Variants in B3GALT1 observed in about 807,000 individuals in gnomAD.
B3GALT1 encodes beta-1,3-galactosyltransferase 1, also known as UDP-Gal:betaGlcNAc beta 1,3-galactosyltransferase, polypeptide 1.
B3GALT1 carries 10 observed loss-of-function variants against 23.2 expected under a neutral mutation model. That is an observed-to-expected ratio of 0.43 (90% CI 0.27 to 0.73). The LOEUF is 0.73. B3GALT1 is among the 30% of genes least tolerant of loss of function. The pLI is 0.21. For synonymous variants in B3GALT1, 156 were observed against 141.5 expected (o/e 1.10, Z -0.73); for missense variants, 299 against 405.4 (o/e 0.74, Z 2.25).
chr2:167,668,516 AG>A, intron 3 of B3GALT1, among the ~76,000 whole-genome samples: 1 of 152,288 alleles, frequency 6.6e-6, no homozygotes, highest in Middle Eastern at 3.4e-3. Context: ...TACCTAAGCA[AG>A]CCTGGGCAAT....
intron 2 of B3GALT1, among the ~76,000 whole-genome samples, chr2:167,609,308 C>T (rs1366228839): frequency 2.0e-5 from 3 of 151,994 alleles, no homozygotes; most frequent in African/African-American, 7.2e-5. Context: ...CAGTCTTTAC[C>T]CATGTGACCA....
chr2:167,440,335 A>G (rs1265620017), intron 1 of B3GALT1, among the ~76,000 whole-genome samples: 5 of 139,410 alleles, frequency 3.6e-5, no homozygotes, highest in African/African-American at 1.4e-4. Context: ...ACAGAGCGAG[A>G]CTCTGTCTGA....
At chr2:167,431,241 T>C (rs781253344) in intron 1 of B3GALT1, among the ~76,000 whole-genome samples, 1 of 152,082 alleles carries the variant, frequency 6.6e-6, no homozygotes, top group Non-Finnish European at 1.5e-5. Flanking sequence ...AATACTTAGG[T>C]AAATGGGAAA....
rs555204066 is a variant in B3GALT1, at chr2:167,871,111, G to C, written c.*1091G>C. 1 of 152,300 alleles carries C rather than the reference G, an allele frequency of 6.6e-6. No homozygotes were observed. The highest frequency in any genetic ancestry group is 2.4e-5 in the African/African-American group (1 of 41,546). The allele number at this position is 152,300 out of a possible 1,614,324, so 9.4% of individuals were successfully genotyped here. On this transcript the variant is annotated 3_prime_UTR_variant, in exon 5 of 5. Transcript: ENST00000392690. ...CAGCAATGCTGTTATGAGGTATTCT[G>C]GGGGCTCTGTGATTGAGGAAGGATG...
intron 1 of B3GALT1, among the ~76,000 whole-genome samples, chr2:167,409,872 T>A (rs915112860): frequency 1.3e-4 from 20 of 152,116 alleles, no homozygotes; most frequent in Admixed American, 1.0e-3. Context: ...AGTGTGGCGA[T>A]TTCTCAAGGA....
chr2:167,772,293 C>G (rs115180206), intron 3 of B3GALT1, among the ~76,000 whole-genome samples: 1 of 152,066 alleles, frequency 6.6e-6, no homozygotes, highest in Admixed American at 6.5e-5. Flanking sequence ...AGTAATAATG[C>G]TATTTATTAA....
chr2:167,866,531 C>G (rs2105439799), intron 4 of B3GALT1, among the ~76,000 whole-genome samples: 1 of 152,210 alleles, frequency 6.6e-6, no homozygotes, highest in African/African-American at 2.4e-5. Context: ...TGAATAAATT[C>G]AAGAGTTGAA....
chr2:167,569,544 A>G (rs535363014), intron 2 of B3GALT1, among the ~76,000 whole-genome samples: 72 of 151,884 alleles, frequency 4.7e-4, no homozygotes, highest in Non-Finnish European at 9.0e-4. Flanking sequence ...ACAATTGCTT[A>G]TCAGTTCTGG....
chr2:167,356,524 A>G (rs1338155001), intron 1 of B3GALT1, among the ~76,000 whole-genome samples: 1 of 152,152 alleles, frequency 6.6e-6, no homozygotes, highest in African/African-American at 2.4e-5. Context: ...AACACTGTGA[A>G]TAGATTGTGG....
In B3GALT1 at chr2:167,433,907, G is replaced by A. The variant is rs181968197; in HGVS notation, c.-510-56270G>A. On this transcript the variant is annotated intron_variant, in intron 1 of 4. Coordinates refer to ENST00000392690, the MANE Select transcript of B3GALT1 (RefSeq NM_020981.4). The stretch of plus-strand genomic sequence containing the variant: ...CATGCCACTGCCCTCCAACCTGGGT[G>A]ACAGAGCAAGATTCTATCATAAATA... Among the ~76,000 whole-genome samples the A allele has an allele frequency of 2.0e-3, 309 of 151,884 alleles. 1 individual carries two copies. Among genetic ancestry groups the A allele is most frequent in the Middle Eastern group, 0.01 (3 of 294 alleles).
chr2:167,798,372 T>A (rs901884955), intron 3 of B3GALT1, among the ~76,000 whole-genome samples: 5 of 152,234 alleles, frequency 3.3e-5, no homozygotes, highest in Admixed American at 2.6e-4. Flanking sequence ...GCCTGTGTCC[T>A]GAATGGTATT....
intron 2 of B3GALT1, among the ~76,000 whole-genome samples, chr2:167,605,806 GTTAAACATTA>G (rs1382613277): frequency 6.6e-6 from 1 of 152,176 alleles, no homozygotes; most frequent in African/African-American, 2.4e-5. Flanking sequence ...AACAGAGCAA[GTTAAACATTA>G]TATGCTCAGT....
intron 1 of B3GALT1, among the ~76,000 whole-genome samples, chr2:167,479,116 T>G (rs1013250863): frequency 2.6e-5 from 4 of 152,088 alleles, no homozygotes; most frequent in Admixed American, 2.6e-4. Context: ...AAAGAAATGC[T>G]GTTTACTAGT....
At chr2:167,543,517 G>GA (rs1683569263) in intron 2 of B3GALT1, among the ~76,000 whole-genome samples, 1 of 152,046 alleles carries the variant, frequency 6.6e-6, no homozygotes, top group Admixed American at 6.6e-5. Flanking sequence ...GAAAAATTAT[G>GA]AAAAAAGCAA....
intron 3 of B3GALT1, among the ~76,000 whole-genome samples, chr2:167,712,034 A>AT (rs915337954): frequency 3.9e-5 from 6 of 152,074 alleles, no homozygotes; most frequent in East Asian, 1.9e-4. Flanking sequence ...TAGTGTATAG[A>AT]TTTTTTTTCC....
intron 2 of B3GALT1, among the ~76,000 whole-genome samples, chr2:167,493,029 G>T (rs1316731362): frequency 6.6e-6 from 1 of 152,078 alleles, no homozygotes; most frequent in Non-Finnish European, 1.5e-5. Context: ...ATATTCTATA[G>T]ATCTTGATAT....
intron 2 of B3GALT1, among the ~76,000 whole-genome samples, chr2:167,530,477 T>G (rs563901329): frequency 1.3e-5 from 2 of 152,338 alleles, no homozygotes; most frequent in Admixed American, 1.3e-4. Context: ...CTTCTTACAA[T>G]GCAGTATATA....
At chr2:167,636,850 T>C (rs1003099334) in intron 2 of B3GALT1, among the ~76,000 whole-genome samples, 5 of 151,808 alleles carry the variant, frequency 3.3e-5, no homozygotes, top group African/African-American at 7.3e-5. Context: ...TGGGGGGCTA[T>C]GGGAGGGAAA....
At chr2:167,812,270 G>A (rs1688903572) in intron 3 of B3GALT1, among the ~76,000 whole-genome samples, 1 of 152,222 alleles carries the variant, frequency 6.6e-6, no homozygotes, top group East Asian at 1.9e-4. Flanking sequence ...GGCAGAAGTA[G>A]ACTCAGTCAA....
Sources: allele counts gnomAD v4.1 joint callset (sites outside exome capture counted in the v4.1 genomes callset), GRCh38; gene constraint gnomAD v4.1.1; transcripts MANE v1.5; gene names NCBI Gene and HGNC (gene_info 2026-07-23, HGNC 2026-07-21).